FAM169A: variants seen among roughly 807,000 people sequenced by gnomAD.
FAM169A encodes the protein soluble lamin-associated protein of 75 kDa.
A neutral mutation model predicts 75.7 loss-of-function variants in FAM169A; 24 were observed. The observed-to-expected ratio is 0.32, with a 90% CI of 0.23 to 0.45. FAM169A has a LOEUF of 0.45. Among genes scored for constraint, FAM169A ranks in the 20% least tolerant of loss-of-function variants. The pLI is 1.00. For missense variants in FAM169A, 673 were observed against 784.0 expected (o/e 0.86, Z 1.69); for synonymous variants, 271 against 271.0 (o/e 1.00, Z 0.00).
At position 74,799,866 on chromosome 5, in the gene FAM169A, A is replaced by G. The variant is rs1179177429; in HGVS notation, c.1103+1014T>C. The stretch of plus-strand genomic sequence containing the variant: ...CTCCAAGTTAGACATTCCAAAACAG[A>G]GCATCCAACGCAACATGTCTGCCAT... On this transcript the variant is annotated intron_variant, in intron 10 of 12. Transcript: ENST00000687041. The G allele has an allele frequency of 3.9e-6, 4 of 1,016,724 alleles. No individual in the cohort carries two copies. In the East Asian group the frequency reaches 7.1e-5, roughly 18 times the overall value. 63.0% of individuals were successfully genotyped at this position (1,016,724 alleles called of 1,614,324 possible).
intron 1 of FAM169A, among the ~76,000 whole-genome samples, chr5:74,849,295 A>G (rs565287997): frequency 6.6e-6 from 1 of 152,288 alleles, no homozygotes; most frequent in Admixed American, 6.5e-5. Context: ...TTAGAAAACA[A>G]ATTTATATTA....
At position 74,813,978 on chromosome 5, in the gene FAM169A, G is replaced by T. The variant is rs775151798; in HGVS notation, c.532C>A (p.Pro178Thr). The part of the protein sequence containing the change: ...ASFLTQSYQL[P>T]VLDTMFLRKK... ...CTTAGAAACATTGTATCAAGAACTGGCAATTGGTAACTTTGGGTAAGAAAA... is the reference window on the plus strand; with the variant it reads ...CTTAGAAACATTGTATCAAGAACTGTCAATTGGTAACTTTGGGTAAGAAAA... Residue 178 changes from proline (P) to threonine (T), a missense_variant, in exon 6 of 13, where the codon CCA (proline) becomes ACA (threonine). This residue lies in a region of FAM169A where 107 missense variants were observed against 180.8 expected (regional missense o/e 0.59). Coordinates refer to ENST00000687041, the MANE Select transcript of FAM169A (RefSeq NM_001376049.1). 4 of 1,597,144 alleles carry T rather than the reference G, an allele frequency of 2.5e-6. No individual in the cohort carries two copies. Among genetic ancestry groups the T allele is most frequent in the South Asian group, 2.3e-5 (2 of 87,178 alleles).
intron 6 of FAM169A, among the ~76,000 whole-genome samples, chr5:74,811,614 T>TA (rs1402020826): frequency 6.6e-6 from 1 of 152,248 alleles, no homozygotes; most frequent in African/African-American, 2.4e-5. Flanking sequence ...TGTCAACTGT[T>TA]AGACTGAAAT....
chr5:74,865,116 G>A (rs1343298388), intron 1 of FAM169A, among the ~76,000 whole-genome samples: 2 of 152,168 alleles, frequency 1.3e-5, no homozygotes, highest in Non-Finnish European at 2.9e-5. Flanking sequence ...GTGATGCAAT[G>A]ACAAAATATA....
chr5:74,844,441 G>C (rs1749041976), intron 1 of FAM169A, among the ~76,000 whole-genome samples: 1 of 151,610 alleles, frequency 6.6e-6, no homozygotes, highest in Admixed American at 6.6e-5. Context: ...AACACAGTGG[G>C]ACCTTGTCTC....
At chr5:74,840,235 C>T in intron 2 of FAM169A, 62 bp from the exon 3 acceptor site, 2 of 691,128 alleles carry the variant, frequency 2.9e-6, no homozygotes, top group South Asian at 5.1e-5. Context: ...TTAAAAAAAT[C>T]AATCTTTTAT....
Position 74,782,930 on chromosome 5 carries a change from C to T in FAM169A, c.1464+1G>A. ...TAAAAAATAGCTCATTGCCCCCTTA[C>T]CTTATCTGGTGCATCTACCTCAGGG... is the stretch of plus-strand genomic sequence containing the variant. On this transcript the variant is annotated splice_donor_variant, in intron 12 of 12. Coordinates refer to ENST00000687041, the MANE Select transcript of FAM169A (RefSeq NM_001376049.1). LOFTEE classifies it high-confidence loss of function. The T allele has an allele frequency of 6.2e-7, 1 of 1,608,254 alleles. No individual in the cohort carries two copies.
chr5:74,792,975 T>C (rs952457663), intron 11 of FAM169A, among the ~76,000 whole-genome samples: 2 of 152,130 alleles, frequency 1.3e-5, no homozygotes, highest in Non-Finnish European at 2.9e-5. Context: ...AATTTGCAAC[T>C]GCAAAAAATA....
chr5:74,799,690 G>T, intron 10 of FAM169A: 1 of 1,262,128 alleles, frequency 7.9e-7, no homozygotes, highest in South Asian at 1.2e-5. Flanking sequence ...TGCTGCTGAT[G>T]CCTCAAAAAG....
At chr5:74,799,464 G>T in intron 10 of FAM169A, 3 of 1,611,442 alleles carry the variant, frequency 1.9e-6, no homozygotes, top group South Asian at 1.1e-5. Context: ...ATGTTTTGCT[G>T]GCAGCAGGAT....
chr5:74,813,711 G>A (rs1747326408), intron 6 of FAM169A, 129 bp downstream of exon 6: 4 of 552,376 alleles, frequency 7.2e-6, no homozygotes, highest in Non-Finnish European at 1.2e-5. Context: ...ATTTGCCAAA[G>A]TAAGTTCTAG....
intron 1 of FAM169A, among the ~76,000 whole-genome samples, chr5:74,846,332 G>A (rs1184311981): frequency 6.6e-6 from 1 of 152,150 alleles, no homozygotes; most frequent in African/African-American, 2.4e-5. Flanking sequence ...ATTTGTATTT[G>A]AAGACTGCTG....
chr5:74,852,538 C>G (rs1441625363), intron 1 of FAM169A, among the ~76,000 whole-genome samples: 1 of 151,286 alleles, frequency 6.6e-6, no homozygotes, highest in Non-Finnish European at 1.5e-5. Flanking sequence ...GAAGAGCTGC[C>G]ACAGATGAAC....
In FAM169A at chr5:74,778,038, G is replaced by C. The variant is rs1211474773; in HGVS notation, c.*3422C>G. 2 of 152,018 alleles carry C rather than the reference G, an allele frequency of 1.3e-5. No individual in the cohort carries two copies. The highest frequency in any genetic ancestry group is 4.8e-5 in the African/African-American group (2 of 41,428). 9.4% of individuals were successfully genotyped at this position (152,018 alleles called of 1,614,324 possible). On this transcript the variant is annotated 3_prime_UTR_variant, in exon 13 of 13. Transcript: ENST00000687041. ...TACCACTAATATAAATGGGTGATGT[G>C]TGGATCACAAGTTCTAGAAGGCGAA...
chr5:74,806,711 T>C (rs907781582), intron 6 of FAM169A, among the ~76,000 whole-genome samples: 9 of 152,188 alleles, frequency 5.9e-5, no homozygotes, highest in Non-Finnish European at 1.0e-4. Flanking sequence ...TGCACCATTC[T>C]ACATGAAAAT....
At chr5:74,799,942 T>C in intron 10 of FAM169A, 2 of 837,060 alleles carry the variant, frequency 2.4e-6, no homozygotes, top group Admixed American at 1.7e-5. Context: ...GGCTCCAACA[T>C]GGCTTTGAAG....
chr5:74,859,151 G>T (rs1385762373), intron 1 of FAM169A, among the ~76,000 whole-genome samples: 1 of 151,390 alleles, frequency 6.6e-6, no homozygotes, highest in East Asian at 2.0e-4. Flanking sequence ...GAGGCGGAGG[G>T]TGCAGTGAGC....
chr5:74,800,717 C>T (rs1580095622), intron 10 of FAM169A, among the ~76,000 whole-genome samples, 163 bp downstream of exon 10: 1 of 149,538 alleles, frequency 6.7e-6, no homozygotes. Context: ...ATGCTAAATA[C>T]CAAAAAGTAT....
At chr5:74,866,099 C>T in intron 1 of FAM169A, 66 bp downstream of exon 1, 1 of 824,740 alleles carries the variant, frequency 1.2e-6, no homozygotes, top group Non-Finnish European at 1.5e-6. Context: ...GGCGGGGGCG[C>T]GGGGCCCGGC....
Sources: gnomAD v4.1 joint callset for allele counts (sites outside exome capture counted in the v4.1 genomes callset) on GRCh38, gnomAD v4.1.1 for gene constraint, gnomAD v4.1.1 regional missense constraint, MANE v1.5 for transcripts, NCBI Gene and HGNC (gene_info 2026-07-23, HGNC 2026-07-21) for gene names.